DGKB: variants seen among roughly 807,000 people sequenced by gnomAD.
DGKB encodes the protein diacylglycerol kinase beta, also known as 90 kDa diacylglycerol kinase.
In DGKB, 67 loss-of-function variants were observed where a neutral mutation model predicts 114.3. The observed-to-expected ratio is 0.59, with a 90% CI of 0.48 to 0.72. DGKB has a LOEUF of 0.72. Among genes scored for constraint, DGKB ranks in the 30% least tolerant of loss-of-function variants. The pLI is 0.00. For missense variants in DGKB, 907 were observed against 975.2 expected, an observed-to-expected ratio of 0.93 and a Z score of 0.93; for synonymous variants, 398 against 323.1, an observed-to-expected ratio of 1.23 and a Z score of -2.49.
At chr7:14,442,171 G>A (rs960731784) in intron 21 of DGKB, among the ~76,000 whole-genome samples, 1 of 151,962 alleles carries the variant, frequency 6.6e-6, no homozygotes, top group Non-Finnish European at 1.5e-5. Flanking sequence ...GAATGAAGGG[G>A]TGAACTGATT....
intron 1 of DGKB, among the ~76,000 whole-genome samples, chr7:14,922,361 A>T (rs1035916860): frequency 2.1e-5 from 3 of 144,648 alleles, no homozygotes; most frequent in Non-Finnish European, 3.0e-5. Context: ...GTCTACATAT[A>T]TATGTGTATC....
chr7:14,941,997 G>A (rs941969556), intron 1 of DGKB, among the ~76,000 whole-genome samples: 3 of 152,044 alleles, frequency 2.0e-5, no homozygotes, highest in African/African-American at 7.2e-5. Flanking sequence ...CTTTGCAACC[G>A]AATGAAAGTC....
At chr7:14,487,706 A>T (rs558357337) in intron 20 of DGKB, among the ~76,000 whole-genome samples, 34 of 149,102 alleles carry the variant, frequency 2.3e-4, no homozygotes, top group Middle Eastern at 3.6e-3. Context: ...GGCTCCAGTG[A>T]TCCTCTTGCC....
rs559233007 is a variant in DGKB at position 14,492,735 on chromosome 7, G to A, written c.1771-14510C>T. Among the ~76,000 whole-genome samples the A allele has an allele frequency of 5.9e-5, 9 of 151,954 alleles. No individual in the cohort carries two copies. The South Asian group carries it at 1.7e-3, about 28-fold the overall frequency. On this transcript the variant is annotated intron_variant, in intron 20 of 25. Transcript: ENST00000402815. The stretch of plus-strand genomic sequence containing the variant: ...AACACCTCTAAAAATAAAAGACATG[G>A]TTCACCTCAAAAATAATAAGGGCCA...
chr7:14,422,847 G>A (rs545808983), intron 21 of DGKB, among the ~76,000 whole-genome samples: 1 of 152,034 alleles, frequency 6.6e-6, no homozygotes, highest in South Asian at 2.1e-4. Flanking sequence ...AATACTAACA[G>A]CAAACATTCT....
At chr7:14,502,897 C>T (rs1158053964) in intron 20 of DGKB, among the ~76,000 whole-genome samples, 1 of 152,028 alleles carries the variant, frequency 6.6e-6, no homozygotes, top group Non-Finnish European at 1.5e-5. Context: ...TCCCATTCAC[C>T]TACTCCTCTC....
chr7:14,543,571 G>A (rs540416894), intron 20 of DGKB, among the ~76,000 whole-genome samples: 3 of 152,268 alleles, frequency 2.0e-5, no homozygotes, highest in Admixed American at 6.5e-5. Context: ...CCAGCTGCAC[G>A]AACTTGAGAA....
intron 20 of DGKB, among the ~76,000 whole-genome samples, chr7:14,482,128 A>C (rs914798040): frequency 6.6e-6 from 1 of 151,998 alleles, no homozygotes; most frequent in Admixed American, 6.6e-5. Flanking sequence ...TCATTTTCCT[A>C]TATTAAAATA....
At chr7:14,492,390 A>G (rs868613131) in intron 20 of DGKB, among the ~76,000 whole-genome samples, 5 of 152,190 alleles carry the variant, frequency 3.3e-5, no homozygotes, top group Middle Eastern at 3.4e-3. Context: ...AAAAATACCA[A>G]TAAAAGAACA....
At chr7:14,277,924 C>T (rs1282955040) in intron 23 of DGKB, among the ~76,000 whole-genome samples, 1 of 152,246 alleles carries the variant, frequency 6.6e-6, no homozygotes, top group African/African-American at 2.4e-5. Context: ...CACATCCACA[C>T]TAACCTTTGT....
intron 20 of DGKB, among the ~76,000 whole-genome samples, chr7:14,527,748 T>C (rs1462738260): frequency 2.6e-5 from 4 of 152,212 alleles, no homozygotes; most frequent in East Asian, 1.9e-4. Flanking sequence ...AAATACAACA[T>C]TGTAGAATGA....
intron 20 of DGKB, among the ~76,000 whole-genome samples, chr7:14,498,900 G>A (rs1584402896): frequency 6.6e-6 from 1 of 151,684 alleles, no homozygotes; most frequent in East Asian, 1.9e-4. Context: ...GAATCACTTG[G>A]AGATGGGCTG....
rs772915246 is a variant in DGKB at position 14,621,478 on chromosome 7, A to G, written c.1184T>C (p.Val395Ala). 2 of 1,604,742 alleles carry G rather than the reference A, an allele frequency of 1.2e-6. No individual in the cohort carries two copies. The highest frequency in any genetic ancestry group is 1.7e-6 in the Non-Finnish European group (2 of 1,175,098). ...VSVPEERQST[V>A]KKEKSGSQQP... ...CTGGGAACCACTCTTTTCCTTTTTC[A>G]CTGTTGATTGTCTTTCCTGTAAAAA... Residue 395 changes from valine to alanine, a missense_variant, in exon 15 of 26, where the codon GTG (valine) becomes GCG (alanine). Physicochemically the swap from Val to Ala is moderately conservative, Grantham distance 64 (BLOSUM62 0). Transcript: ENST00000402815.
intron 13 of DGKB, among the ~76,000 whole-genome samples, chr7:14,659,017 A>G (rs13229337): frequency 0.48 from 73,110 of 151,538 alleles, 18,577 homozygotes; most frequent in Non-Finnish European, 0.56. Context: ...CCCATCATCT[A>G]GGTTTCAAGC....
intron 23 of DGKB, among the ~76,000 whole-genome samples, chr7:14,205,618 A>G (rs1786659909): frequency 6.6e-6 from 1 of 152,020 alleles, no homozygotes; most frequent in South Asian, 2.1e-4. Flanking sequence ...GGATCAGACA[A>G]CATTGGGCCA....
chr7:14,372,768 A>G (rs972164956), intron 21 of DGKB, among the ~76,000 whole-genome samples: 2 of 152,124 alleles, frequency 1.3e-5, no homozygotes, highest in African/African-American at 4.8e-5. Flanking sequence ...AATAGTATAA[A>G]TGGCTATTTT....
In DGKB at chr7:14,345,489, G is replaced by T. The variant is rs1048217274; in HGVS notation, c.1836-98C>A. On this transcript the variant is annotated intron_variant, in intron 21 of 25. Transcript: ENST00000402815. ...TCTGTCTTGTGTTATAATAGAAAAG[G>T]TCTGAGGACATGTGACATCTAAAAT... 12 of 625,994 alleles carry T rather than the reference G, an allele frequency of 1.9e-5. No individual in the cohort carries two copies. The Middle Eastern group carries it at 1.4e-3, about 71-fold the overall frequency. 38.8% of individuals were successfully genotyped at this position (625,994 alleles called of 1,614,324 possible).
intron 13 of DGKB, among the ~76,000 whole-genome samples, chr7:14,665,246 T>C (rs1817828579): frequency 6.6e-6 from 1 of 151,972 alleles, no homozygotes; most frequent in Admixed American, 6.6e-5. Context: ...TGGATGGAGC[T>C]AAAGGCCATT....
At chr7:14,287,834 A>G (rs1801116406) in intron 23 of DGKB, among the ~76,000 whole-genome samples, 1 of 152,172 alleles carries the variant, frequency 6.6e-6, no homozygotes, top group Admixed American at 6.6e-5. Flanking sequence ...CATTTTAACA[A>G]TTTTAATTAA....
Sources: allele counts gnomAD v4.1 joint callset (sites outside exome capture counted in the v4.1 genomes callset), GRCh38; gene constraint gnomAD v4.1.1; transcripts MANE v1.5; gene names NCBI Gene and HGNC (gene_info 2026-07-23, HGNC 2026-07-21).